CMTM8: variants seen among roughly 807,000 people sequenced by gnomAD.
CMTM8 encodes the protein CKLF like MARVEL transmembrane domain containing 8.
Under a neutral mutation model 18.6 loss-of-function variants are expected in CMTM8, and 12 were observed. That is an observed-to-expected ratio of 0.65 (90% CI 0.41 to 1.05). The LOEUF (loss-of-function observed/expected upper bound fraction) is 1.05, where lower values mean the gene tolerates loss of function less well. Ranked by LOEUF, CMTM8 falls within the 50% of genes least tolerant of loss-of-function variation. The pLI is 0.00. For missense variants in CMTM8, 217 were observed against 227.2 expected (o/e 0.95, Z 0.29); for synonymous variants, 87 against 90.6 (o/e 0.96, Z 0.23).
chr3:32,250,053 T>G (rs981256846), intron 1 of CMTM8, among the ~76,000 whole-genome samples: 1 of 152,244 alleles, frequency 6.6e-6, no homozygotes, highest in Non-Finnish European at 1.5e-5. Flanking sequence ...TTTTTGTATA[T>G]GATGTGAGGG....
In CMTM8 at chr3:32,266,874, C is replaced by T. The variant is rs577268162; in HGVS notation, c.147+27755C>T. ...AATTGCTTCAAAGAGAATAAAATAC[C>T]TAGGAATCCAACTTACAAGGGATGT... On this transcript the variant is annotated intron_variant, in intron 1 of 3. Transcript: ENST00000307526. Among the ~76,000 whole-genome samples the T allele has an allele frequency of 1.8e-3, 280 of 152,248 alleles. 1 individual carries two copies. Among genetic ancestry groups the T allele is most frequent in the African/African-American group, 6.5e-3 (271 of 41,532 alleles).
upstream of CMTM8, chr3:32,238,424 TG>T (rs528726391): frequency 6.6e-6 from 1 of 152,318 alleles, no homozygotes; most frequent in African/African-American, 2.4e-5. Flanking sequence ...GCTGCGGGCC[TG>T]GGCCAGGCGG....
At chr3:32,362,082 C>A (rs1177891323) in intron 2 of CMTM8, among the ~76,000 whole-genome samples, 4 of 113,320 alleles carry the variant, frequency 3.5e-5, no homozygotes, top group Admixed American at 2.1e-4. Context: ...ACTTTATTGC[C>A]CAGGCTGGAG....
chr3:32,298,979 G>T (rs1695555288), intron 1 of CMTM8, among the ~76,000 whole-genome samples: 1 of 142,992 alleles, frequency 7.0e-6, no homozygotes, highest in East Asian at 2.0e-4. Flanking sequence ...AGAGACAGGG[G>T]TCCAGGCTAT....
intron 1 of CMTM8, among the ~76,000 whole-genome samples, chr3:32,274,635 ATAACCACAGTG>A (rs755805990): frequency 4.7e-4 from 71 of 152,226 alleles, no homozygotes; most frequent in Non-Finnish European, 8.7e-4. Flanking sequence ...ATTCTCCTGC[ATAACCACAGTG>A]TAACTATCAT....
intron 1 of CMTM8, among the ~76,000 whole-genome samples, chr3:32,250,445 A>T (rs984659866): frequency 1.3e-5 from 2 of 152,198 alleles, no homozygotes; most frequent in African/African-American, 4.8e-5. Flanking sequence ...TTCAGTCTGG[A>T]TTCTGTTGAA....
Position 32,310,485 on chromosome 3 carries a change from G to A in CMTM8, c.148-46888G>A, listed in dbSNP as rs556065364. On this transcript the variant is annotated intron_variant, in intron 1 of 3. Coordinates refer to ENST00000307526, the MANE Select transcript of CMTM8 (RefSeq NM_178868.5). ...AATGAGGGGTGCCAAAGGAAGAAAT[G>A]AGTTCAAGTAAACTAGGCCGGACTT... Among the ~76,000 whole-genome samples, 62 of 152,312 alleles carry A rather than the reference G, an allele frequency of 4.1e-4. 1 individual carries two copies. The South Asian group carries it at 0.013, about 31-fold the overall frequency.
At position 32,358,749 on chromosome 3, in the gene CMTM8, G is replaced by T. The variant is rs1696864920; in HGVS notation, c.321+1203G>T. 6.6e-6 allele frequency among the ~76,000 whole-genome samples: 1 copy of T among 152,200 alleles called. No homozygotes were observed. The highest frequency in any genetic ancestry group is 1.5e-5 in the Non-Finnish European group (1 of 68,044). Reference sequence around the variant, plus strand: ...TTATTAAGATTTTCAAGAAAGCGTTGCAAGTTTGAAAAGTAATTCCAAATA... The same window carrying T: ...TTATTAAGATTTTCAAGAAAGCGTTTCAAGTTTGAAAAGTAATTCCAAATA... On this transcript the variant is annotated intron_variant, in intron 2 of 3. Coordinates refer to ENST00000307526, the MANE Select transcript of CMTM8 (RefSeq NM_178868.5). This position sits in a 1 kb window ranked among gnomAD's most constrained non-coding sequence, Gnocchi z 4.1.
At chr3:32,267,215 A>G (rs1272398515) in intron 1 of CMTM8, among the ~76,000 whole-genome samples, 1 of 152,244 alleles carries the variant, frequency 6.6e-6, no homozygotes, top group Non-Finnish European at 1.5e-5. Flanking sequence ...ACAAGGCTAC[A>G]GTAACCAAAA....
intron 1 of CMTM8, among the ~76,000 whole-genome samples, chr3:32,276,719 G>T (rs1416448169): frequency 6.6e-6 from 1 of 152,120 alleles, no homozygotes; most frequent in South Asian, 2.1e-4. Flanking sequence ...TTTGGATGTT[G>T]CACCTTCTGT....
At chr3:32,259,372 G>C in intron 1 of CMTM8, 1 of 819,984 alleles carries the variant, frequency 1.2e-6, no homozygotes, top group Non-Finnish European at 2.2e-6. Context: ...CAAATACTGT[G>C]GACAATGCCC....
chr3:32,300,853 G>A (rs1695599776), intron 1 of CMTM8, among the ~76,000 whole-genome samples: 1 of 151,902 alleles, frequency 6.6e-6, no homozygotes, highest in Non-Finnish European at 1.5e-5. Context: ...CCATTTACTT[G>A]GGAGGCTGAG....
intron 1 of CMTM8, among the ~76,000 whole-genome samples, chr3:32,339,417 A>G (rs1696450016): frequency 6.6e-6 from 1 of 152,208 alleles, no homozygotes; most frequent in South Asian, 2.1e-4. Flanking sequence ...GTCAGAGAGG[A>G]CCGGAAGGAG....
At chr3:32,334,965 T>A (rs1243234464) in intron 1 of CMTM8, among the ~76,000 whole-genome samples, 1 of 152,118 alleles carries the variant, frequency 6.6e-6, no homozygotes, top group Non-Finnish European at 1.5e-5. Flanking sequence ...ACCCTAGCCC[T>A]GGGCCGTCTT....
At chr3:32,332,152 T>C (rs1696288526) in intron 1 of CMTM8, among the ~76,000 whole-genome samples, 1 of 152,094 alleles carries the variant, frequency 6.6e-6, no homozygotes, top group South Asian at 2.1e-4. Flanking sequence ...GATGGAAAAG[T>C]TGAAATCCTA....
In CMTM8 at chr3:32,289,679, C is replaced by T. The variant is rs78770682; in HGVS notation, c.147+50560C>T. Among the ~76,000 whole-genome samples the T allele has an allele frequency of 3.5e-4, 54 of 152,304 alleles. 3 individuals are homozygous for T. The East Asian group carries it at 0.01, about 29-fold the overall frequency. On this transcript the variant is annotated intron_variant, in intron 1 of 3. Coordinates refer to ENST00000307526, the MANE Select transcript of CMTM8 (RefSeq NM_178868.5). Reference sequence around the variant, plus strand: ...GATGCATAGAAAATGTGGGACCAGCCACCCAAACCTCCAGCAAATACCATA... The same window carrying T: ...GATGCATAGAAAATGTGGGACCAGCTACCCAAACCTCCAGCAAATACCATA...
chr3:32,277,868 A>G (rs1702543405), intron 1 of CMTM8, among the ~76,000 whole-genome samples: 1 of 152,222 alleles, frequency 6.6e-6, no homozygotes, highest in South Asian at 2.1e-4. Context: ...TGGAGCCAAG[A>G]AGTGGCTGCC....
chr3:32,313,423 C>T (rs13058770), intron 1 of CMTM8, among the ~76,000 whole-genome samples: 6 of 152,130 alleles, frequency 3.9e-5, no homozygotes, highest in Non-Finnish European at 8.8e-5. Flanking sequence ...CCACCTCAGC[C>T]TCCTGTGTAG....
intron 1 of CMTM8, among the ~76,000 whole-genome samples, chr3:32,332,262 G>A (rs960220523): frequency 2.0e-5 from 3 of 152,206 alleles, no homozygotes; most frequent in African/African-American, 7.2e-5. Flanking sequence ...TAAAGCTGGG[G>A]TGCTGGTTGC....
Sources: gnomAD v4.1 joint callset for allele counts (sites outside exome capture counted in the v4.1 genomes callset) on GRCh38, gnomAD v4.1.1 for gene constraint, Gnocchi (gnomAD v3.1) non-coding constraint, MANE v1.5 for transcripts, NCBI Gene and HGNC (gene_info 2026-07-23, HGNC 2026-07-21) for gene names.